The following GPHN variants were observed in gnomAD, a reference collection of about 807,000 sequenced individuals.
The protein encoded by GPHN is gephyrin.
In GPHN, 17 loss-of-function variants were observed where a neutral mutation model predicts 95.5. The ratio of observed to expected loss-of-function variants is 0.18; its 90% CI spans 0.12 to 0.27. The LOEUF (loss-of-function observed/expected upper bound fraction) is 0.27. Ranked by LOEUF, GPHN falls within the 10% of genes least tolerant of loss-of-function variation. The pLI, the probability that GPHN is intolerant of heterozygous loss-of-function variation, is 1.00. For missense variants in GPHN, 660 were observed against 978.1 expected (o/e 0.67, Z 4.34); for synonymous variants, 320 against 322.5 (o/e 0.99, Z 0.08).
At chr14:67,506,541 G>T in the GPHN span, among the ~76,000 whole-genome samples, 2 of 152,208 alleles carry the variant, frequency 1.3e-5, no homozygotes, top group Non-Finnish European at 2.9e-5. Flanking sequence ...AAATAATGGG[G>T]ATAGGGGAAT....
At chr14:66,682,769 T>C (rs1384183167) in intron 2 of GPHN, among the ~76,000 whole-genome samples, 3 of 152,072 alleles carry the variant, frequency 2.0e-5, no homozygotes, top group Admixed American at 2.0e-4. Flanking sequence ...ATTATTATTG[T>C]ATTATTTGTA....
chr14:66,985,882 G>A, intron 9 of GPHN: 1 of 554,568 alleles, frequency 1.8e-6, no homozygotes, highest in Non-Finnish European at 3.1e-6. Context: ...TGGCTGTTGG[G>A]TCATATTACT....
chr14:66,680,844 G>T (rs141688628), intron 1 of GPHN, among the ~76,000 whole-genome samples: 2 of 151,970 alleles, frequency 1.3e-5, no homozygotes, highest in African/African-American at 2.4e-5. Context: ...CATTTAGACC[G>T]ACATGTTTAT....
chr14:67,047,456 C>G (rs371707927), intron 10 of GPHN, among the ~76,000 whole-genome samples: 1 of 150,824 alleles, frequency 6.6e-6, no homozygotes, highest in Non-Finnish European at 1.5e-5. Context: ...ACCTCTGCCT[C>G]CCGGATTCAA....
intron 9 of GPHN, among the ~76,000 whole-genome samples, chr14:67,016,536 T>G (rs1238978467): frequency 1.2e-4 from 19 of 152,132 alleles, no homozygotes; most frequent in Admixed American, 1.2e-3. Context: ...ATAAAGATTG[T>G]AATTTCATTT....
At chr14:67,326,172 T>TA in the GPHN span, among the ~76,000 whole-genome samples, 3 of 149,736 alleles carry the variant, frequency 2.0e-5, no homozygotes, top group African/African-American at 7.3e-5. Flanking sequence ...ATGGAATTTT[T>TA]ATCTACTTCA....
chr14:67,098,498 C>T (rs2077513754), intron 12 of GPHN, among the ~76,000 whole-genome samples: 1 of 151,938 alleles, frequency 6.6e-6, no homozygotes, highest in Non-Finnish European at 1.5e-5. Flanking sequence ...TAATTTCCCC[C>T]TTGTGCAGGA....
At chr14:67,107,033 G>C (rs1386662256) in intron 13 of GPHN, among the ~76,000 whole-genome samples, 1 of 152,008 alleles carries the variant, frequency 6.6e-6, no homozygotes, top group Non-Finnish European at 1.5e-5. Context: ...TTCTGGACAG[G>C]TGCAATGGTG....
chr14:66,933,401 A>G (rs1354579944), intron 8 of GPHN, among the ~76,000 whole-genome samples: 1 of 152,148 alleles, frequency 6.6e-6, no homozygotes, highest in African/African-American at 2.4e-5. Context: ...GAATATCTAT[A>G]TATACTATTT....
intron 11 of GPHN, among the ~76,000 whole-genome samples, chr14:67,084,378 TA>T (rs1222832613): frequency 2.6e-5 from 4 of 152,180 alleles, no homozygotes; most frequent in Non-Finnish European, 5.9e-5. Flanking sequence ...TTCATTTGTC[TA>T]AAACGCCCCC....
At chr14:67,653,420 A>G in the GPHN span, 29 of 1,611,598 alleles carry the variant, frequency 1.8e-5, no homozygotes, top group South Asian at 2.9e-4. Context: ...AAATTTCATG[A>G]CTTTAATAAA....
the GPHN span, among the ~76,000 whole-genome samples, chr14:67,548,694 T>C: frequency 1.3e-5 from 2 of 152,000 alleles, no homozygotes; most frequent in African/African-American, 4.8e-5. Context: ...CAAAACTCTG[T>C]CTCAAAAAAA....
At chr14:67,706,102 G>C in the GPHN span, 1 of 152,264 alleles carries the variant, frequency 6.6e-6, no homozygotes, top group Non-Finnish European at 1.5e-5. Context: ...GACCTCCTGG[G>C]AGCAGGGGAC....
chr14:67,727,299 T>G, the GPHN span: 28 of 808,486 alleles, frequency 3.5e-5, no homozygotes, highest in Non-Finnish European at 5.2e-5. Context: ...GTAATATCTC[T>G]GTGGACTAAG....
At chr14:67,114,094 A>T (rs1258070767) in intron 16 of GPHN, among the ~76,000 whole-genome samples, 1 of 152,094 alleles carries the variant, frequency 6.6e-6, no homozygotes, top group African/African-American at 2.4e-5. Context: ...CCTTTTGGTT[A>T]AAGCAAAAGA....
the GPHN span, among the ~76,000 whole-genome samples, chr14:67,422,917 C>T: frequency 4.6e-5 from 7 of 151,288 alleles, no homozygotes; most frequent in South Asian, 4.2e-4. Flanking sequence ...CTGCAACCTC[C>T]GCCTCCCAGG....
chr14:66,867,149 A>G (rs1338300719), intron 4 of GPHN, among the ~76,000 whole-genome samples: 1 of 152,196 alleles, frequency 6.6e-6, no homozygotes, highest in Non-Finnish European at 1.5e-5. Context: ...ATATTTAAGA[A>G]TATTAAAACC....
the GPHN span, chr14:67,294,327 C>T: frequency 6.6e-6 from 1 of 151,980 alleles, no homozygotes; most frequent in African/African-American, 2.4e-5. Flanking sequence ...AGTCAGAACT[C>T]AACAAGGAGA....
the GPHN span, among the ~76,000 whole-genome samples, chr14:67,297,274 T>C: frequency 2.6e-5 from 4 of 152,346 alleles, no homozygotes; most frequent in Admixed American, 2.6e-4. Context: ...GAAGAAGTAA[T>C]GAATTATGAA....
Sources: allele counts gnomAD v4.1 joint callset (sites outside exome capture counted in the v4.1 genomes callset), GRCh38; gene constraint gnomAD v4.1.1; transcripts MANE v1.5; gene names NCBI Gene and HGNC (gene_info 2026-07-23, HGNC 2026-07-21).